MGAT5: variants seen among roughly 807,000 people sequenced by gnomAD.
MGAT5 encodes the protein alpha-1,6-mannosylglycoprotein 6-beta-N-acetylglucosaminyltransferase.
MGAT5 carries 30 observed loss-of-function variants against 94.3 expected under a neutral mutation model. That is an observed-to-expected ratio of 0.32 (90% CI 0.24 to 0.43). The LOEUF (loss-of-function observed/expected upper bound fraction) is 0.43, where lower values mean the gene tolerates loss of function less well. MGAT5 is among the 20% of genes least tolerant of loss of function. MGAT5 has a pLI of 1.00. For synonymous variants in MGAT5, 310 were observed against 322.9 expected, an observed-to-expected ratio of 0.96 and a Z score of 0.43; for missense variants, 691 against 905.5, an observed-to-expected ratio of 0.76 and a Z score of 3.04.
At chr2:134,124,500 A>C (rs1685751978) in intron 1 of MGAT5, among the ~76,000 whole-genome samples, 1 of 152,198 alleles carries the variant, frequency 6.6e-6, no homozygotes, top group Admixed American at 6.5e-5. Flanking sequence ...AGTCTTAAAA[A>C]TCAGGACAGG....
intron 1 of MGAT5, among the ~76,000 whole-genome samples, chr2:134,166,047 G>A (rs946329032): frequency 1.3e-5 from 2 of 152,150 alleles, no homozygotes; most frequent in African/African-American, 4.8e-5. Context: ...ATTATTAAGG[G>A]GAATAGGATT....
At chr2:134,300,572 A>G (rs953233324) in intron 2 of MGAT5, among the ~76,000 whole-genome samples, 1 of 152,118 alleles carries the variant, frequency 6.6e-6, no homozygotes, top group Non-Finnish European at 1.5e-5. Flanking sequence ...AGAACACTTT[A>G]CCAACAGTTT....
At chr2:134,162,703 T>A (rs1687791850) in intron 1 of MGAT5, among the ~76,000 whole-genome samples, 1 of 152,186 alleles carries the variant, frequency 6.6e-6, no homozygotes, top group Non-Finnish European at 1.5e-5. Flanking sequence ...TTAAGGAGAC[T>A]TACTGATATT....
intron 14 of MGAT5, among the ~76,000 whole-genome samples, chr2:134,437,179 G>T (rs1685210832): frequency 6.6e-6 from 1 of 151,960 alleles, no homozygotes; most frequent in Non-Finnish European, 1.5e-5. Flanking sequence ...TAGTAGAGAT[G>T]GGATTTTACC....
intron 1 of MGAT5, among the ~76,000 whole-genome samples, chr2:134,234,028 C>A (rs1278246017): frequency 6.6e-6 from 1 of 152,190 alleles, no homozygotes; most frequent in African/African-American, 2.4e-5. Flanking sequence ...AATCAGAACG[C>A]TAGATGCTAT....
At chr2:134,233,873 T>G (rs57967660) in intron 1 of MGAT5, among the ~76,000 whole-genome samples, 2,145 of 152,328 alleles carry the variant, frequency 0.014, 55 homozygotes, top group African/African-American at 0.049. Context: ...CCACACCAGA[T>G]TGCCTCTCTA....
intron 11 of MGAT5, among the ~76,000 whole-genome samples, chr2:134,409,225 T>A (rs1406969203): frequency 6.6e-6 from 1 of 152,338 alleles, no homozygotes; most frequent in South Asian, 2.1e-4. Context: ...AATGAATCCT[T>A]TCCATGTACT....
intron 7 of MGAT5, 33 bp from the exon 8 acceptor site, chr2:134,344,888 ATTTTTCTCT>A (rs1558809706): frequency 1.9e-6 from 3 of 1,601,536 alleles, no homozygotes; most frequent in Non-Finnish European, 2.6e-6. Context: ...TAAGTAAATG[ATTTTTCTCT>A]TTTTTCTCCC....
intron 8 of MGAT5, among the ~76,000 whole-genome samples, chr2:134,347,431 C>T (rs536999733): frequency 6.6e-6 from 1 of 152,116 alleles, no homozygotes; most frequent in Non-Finnish European, 1.5e-5. Flanking sequence ...GACAACTTTA[C>T]TCATCAGGAT....
chr2:134,425,860 C>T (rs1684558079), intron 13 of MGAT5, among the ~76,000 whole-genome samples: 1 of 151,468 alleles, frequency 6.6e-6, no homozygotes, highest in Non-Finnish European at 1.5e-5. Context: ...CTGTAGGCAT[C>T]CTTCCTGTGG....
intron 10 of MGAT5, among the ~76,000 whole-genome samples, chr2:134,397,402 G>A (rs1447442593): frequency 6.6e-6 from 1 of 152,104 alleles, no homozygotes; most frequent in Non-Finnish European, 1.5e-5. Flanking sequence ...CCTCACCAGG[G>A]GCCACAGAGA....
intron 14 of MGAT5, among the ~76,000 whole-genome samples, chr2:134,429,853 C>G (rs986993257): frequency 4.6e-5 from 7 of 152,176 alleles, no homozygotes; most frequent in Non-Finnish European, 1.0e-4. Context: ...AATATAACAT[C>G]TAATTCTCAC....
rs912983981 is a variant in MGAT5, at chr2:134,189,602, G to GT, written c.-142-64642dup. 6.2e-3 allele frequency among the ~76,000 whole-genome samples: 526 copies of GT among 84,638 alleles called. 30 individuals carry two copies. Among genetic ancestry groups the GT allele is most frequent in the South Asian group, 0.011 (25 of 2,378 alleles). 55.5% of individuals were successfully genotyped at this position (84,638 alleles called of 152,430 possible). A position where few individuals can be genotyped will look rare whatever the true frequency, so the allele number is the denominator to read the frequency against. Reference sequence around the variant, plus strand: ...AACCTCATGGCTCTAGTTTTTTTTTGTTTTTTTTTTTTTTTTTTAAGACAG... The same window carrying GT: ...AACCTCATGGCTCTAGTTTTTTTTTGTTTTTTTTTTTTTTTTTTTAAGACAG... On this transcript the variant is annotated intron_variant, in intron 1 of 16. Transcript: ENST00000409645.
intron 1 of MGAT5, among the ~76,000 whole-genome samples, chr2:134,230,261 G>A (rs777740797): frequency 5.3e-5 from 8 of 152,174 alleles, no homozygotes; most frequent in Non-Finnish European, 1.2e-4. Flanking sequence ...TAATGCAACC[G>A]CTGATATGAC....
At chr2:134,264,387 A>G (rs1683564072) in intron 1 of MGAT5, among the ~76,000 whole-genome samples, 1 of 152,196 alleles carries the variant, frequency 6.6e-6, no homozygotes, top group African/African-American at 2.4e-5. Flanking sequence ...ACAAATATTT[A>G]TTGAACTCCT....
intron 12 of MGAT5, among the ~76,000 whole-genome samples, chr2:134,417,334 A>G (rs1684037118): frequency 6.6e-6 from 1 of 152,114 alleles, no homozygotes; most frequent in Non-Finnish European, 1.5e-5. Flanking sequence ...TATCTAAACT[A>G]CAGACTTTAT....
intron 10 of MGAT5, among the ~76,000 whole-genome samples, chr2:134,374,962 G>C (rs902169331): frequency 6.6e-6 from 1 of 152,202 alleles, no homozygotes; most frequent in Non-Finnish European, 1.5e-5. Flanking sequence ...CACTGCACTG[G>C]ATAAATCGAG....
intron 2 of MGAT5, among the ~76,000 whole-genome samples, chr2:134,306,812 T>C (rs1456387268): frequency 1.3e-5 from 2 of 152,180 alleles, no homozygotes; most frequent in Non-Finnish European, 2.9e-5. Flanking sequence ...TAATCCCAGC[T>C]GAGATCTCTT....
chr2:134,257,836 C>CCTTTTTTTTTTTTTTTTTTT lies in MGAT5; in HGVS notation c.241+3192_241+3193insCTTTTTTTTTTTTTTTTTTT, dbSNP rs781189819. On this transcript the variant is annotated intron_variant, in intron 1 of 15. Coordinates refer to ENST00000281923, the MANE Select transcript of MGAT5 (RefSeq NM_002410.5). ...TGCATAGGCCATTAGTTTGCAGTCTCTTTTTTTTTTTTTTTTTTTGCCATA... is the reference window on the plus strand; with the variant it reads ...TGCATAGGCCATTAGTTTGCAGTCTCCTTTTTTTTTTTTTTTTTTTTTTTTTTTTTTTTTTTTTTGCCATA... Among the ~76,000 whole-genome samples the CCTTTTTTTTTTTTTTTTTTT allele has an allele frequency of 1.3e-4, 14 of 106,412 alleles. 6 individuals carry two copies. The highest frequency in any genetic ancestry group is 3.1e-4 in the Admixed American group (3 of 9,606). 69.8% of individuals were successfully genotyped at this position (106,412 alleles called of 152,430 possible).
Sources: gnomAD v4.1 joint callset for allele counts (sites outside exome capture counted in the v4.1 genomes callset) on GRCh38, gnomAD v4.1.1 for gene constraint, MANE v1.5 for transcripts, NCBI Gene and HGNC (gene_info 2026-07-23, HGNC 2026-07-21) for gene names.